The following PDS5A variants were observed in gnomAD, a reference collection of about 807,000 sequenced individuals.
The protein encoded by PDS5A is PDS5 cohesin associated factor A, also known as sister chromatid cohesion protein PDS5 homolog A.
PDS5A carries 42 observed loss-of-function variants against 167.1 expected under a neutral mutation model. The observed-to-expected ratio is 0.25, with a 90% CI of 0.20 to 0.33. The LOEUF (loss-of-function observed/expected upper bound fraction) is 0.33. PDS5A is among the 10% of genes least tolerant of loss of function. The probability of loss-of-function intolerance (pLI) is 1.00; values close to 1 mark genes in which losing one functional copy is unlikely to be tolerated. For synonymous variants in PDS5A, 553 were observed against 554.6 expected (o/e 1.00, Z 0.04); for missense variants, 1,033 against 1,605.9 (o/e 0.64, Z 6.10).
At chr4:39,856,364 A>G (rs961925582) in intron 26 of PDS5A, among the ~76,000 whole-genome samples, 6 of 152,228 alleles carry the variant, frequency 3.9e-5, no homozygotes, top group Non-Finnish European at 7.3e-5. Flanking sequence ...GAGAAATGCT[A>G]AAGTGAGTCC....
intron 2 of PDS5A, among the ~76,000 whole-genome samples, chr4:39,954,655 T>C (rs1247661492): frequency 5.8e-5 from 7 of 121,630 alleles, no homozygotes; most frequent in Non-Finnish European, 9.8e-5. Context: ...TAAGTACCCA[T>C]TGTCAAGAGA....
chr4:39,948,119 G>A (rs1727952170), intron 2 of PDS5A, among the ~76,000 whole-genome samples: 1 of 148,720 alleles, frequency 6.7e-6, no homozygotes, highest in Admixed American at 6.9e-5. Context: ...GGGTATGGTA[G>A]CACGTACCAG....
chr4:39,938,327 G>A (rs1247617384), intron 2 of PDS5A, among the ~76,000 whole-genome samples: 1 of 152,072 alleles, frequency 6.6e-6, no homozygotes, highest in Non-Finnish European at 1.5e-5. Context: ...GGCCGAGGTG[G>A]GTGGATCACC....
rs1560419555 is a variant in PDS5A, at chr4:39,842,907, T to TATATA, written c.3549-852_3549-851insTATAT. On this transcript the variant is annotated intron_variant, in intron 30 of 32. Coordinates refer to ENST00000303538, the MANE Select transcript of PDS5A (RefSeq NM_001100399.2). Reference sequence around the variant, plus strand: ...TTAGAACAATGTAAACTTATCCTATTTTTATATATATATATATATATATAT... The same window carrying TATATA: ...TTAGAACAATGTAAACTTATCCTATTATATATTTATATATATATATATATATATAT... 6.1e-3 allele frequency among the ~76,000 whole-genome samples: 173 copies of TATATA among 28,426 alleles called. 2 individuals carry two copies. The highest frequency in any genetic ancestry group is 0.045 in the East Asian group (56 of 1,240). 18.6% of individuals were successfully genotyped at this position (28,426 alleles called of 152,430 possible).
intron 2 of PDS5A, among the ~76,000 whole-genome samples, chr4:39,941,917 G>C (rs1396342856): frequency 6.6e-6 from 1 of 152,140 alleles, no homozygotes; most frequent in East Asian, 1.9e-4. Context: ...CACAGAGCAA[G>C]ACCCCATCTC....
intron 32 of PDS5A, among the ~76,000 whole-genome samples, chr4:39,826,249 G>A (rs1356433892): frequency 6.6e-6 from 1 of 151,032 alleles, no homozygotes; most frequent in Non-Finnish European, 1.5e-5. Flanking sequence ...TGGAAGCACA[G>A]GAGAGTGGGA....
chr4:39,826,897 T>C (rs1344268111), intron 32 of PDS5A, among the ~76,000 whole-genome samples: 2 of 152,214 alleles, frequency 1.3e-5, no homozygotes, highest in South Asian at 4.1e-4. Flanking sequence ...TACATACATA[T>C]TTTATAAAGG....
chr4:39,965,757 G>A (rs1438202804), intron 2 of PDS5A, among the ~76,000 whole-genome samples: 1 of 152,156 alleles, frequency 6.6e-6, no homozygotes, highest in Non-Finnish European at 1.5e-5. Context: ...ACAAAAAGCA[G>A]AATGGTTGTT....
intron 2 of PDS5A, among the ~76,000 whole-genome samples, chr4:39,960,085 T>A (rs1217110207): frequency 6.6e-6 from 1 of 151,870 alleles, no homozygotes; most frequent in Non-Finnish European, 1.5e-5. Flanking sequence ...AGAGTGAGAC[T>A]TCGTCTCAAA....
chr4:39,888,658 T>TAAATAAAA (rs1721695132), intron 17 of PDS5A, among the ~76,000 whole-genome samples: 1 of 150,020 alleles, frequency 6.7e-6, no homozygotes, highest in African/African-American at 2.5e-5. Flanking sequence ...CAAATGGAGC[T>TAAATAAAA]CATTATGTTA....
chr4:39,825,547 C>A, intron 32 of PDS5A, 59 bp from the exon 33 acceptor site: 11 of 1,233,612 alleles, frequency 8.9e-6, no homozygotes, highest in East Asian at 2.6e-5. Context: ...ATAAACCAAA[C>A]GAAAATGATT....
intron 2 of PDS5A, among the ~76,000 whole-genome samples, chr4:39,930,255 G>GTT (rs1421768439): frequency 2.5e-5 from 2 of 80,510 alleles, no homozygotes; most frequent in East Asian, 4.3e-4. Context: ...AAGTTTTTTT[G>GTT]TTTTTTGTTT....
At chr4:39,877,684 C>G (rs1419978639) in intron 18 of PDS5A, among the ~76,000 whole-genome samples, 1 of 151,562 alleles carries the variant, frequency 6.6e-6, no homozygotes. Context: ...GGCTAGAGTA[C>G]AGTGGAATGT....
chr4:39,882,236 C>T (rs1046529744), intron 17 of PDS5A, among the ~76,000 whole-genome samples: 2 of 152,082 alleles, frequency 1.3e-5, no homozygotes, highest in African/African-American at 2.4e-5. Context: ...GCTTATTTAC[C>T]GTCTTAACTA....
At position 39,906,917 on chromosome 4, in the gene PDS5A, T is replaced by TAAAA. The variant is rs1191690836; in HGVS notation, c.1233+1474_1233+1477dup. ...CAAAAGCCTTTTGAGATTTCTTACA[T>TAAAA]AAAAAAAAAAAAAAAAAAAAAAAAA... On this transcript the variant is annotated intron_variant, in intron 11 of 32. Coordinates refer to ENST00000303538, the MANE Select transcript of PDS5A (RefSeq NM_001100399.2). Among the ~76,000 whole-genome samples, 54 of 54,006 alleles carry TAAAA rather than the reference T, an allele frequency of 1.0e-3. 2 individuals carry two copies. The highest frequency in any genetic ancestry group is 2.2e-3 in the African/African-American group (36 of 16,212). 35.4% of individuals were successfully genotyped at this position (54,006 alleles called of 152,430 possible). A position where few individuals can be genotyped will look rare whatever the true frequency, so the allele number is the denominator to read the frequency against.
At chr4:39,923,638 A>AACACCCACACACAAACAC (rs1725201710) in intron 5 of PDS5A, among the ~76,000 whole-genome samples, 1 of 125,212 alleles carries the variant, frequency 8.0e-6, no homozygotes, top group South Asian at 3.0e-4. Context: ...CCTGTCTCAA[A>AACACCCACACACAAACAC]ACACACACAC....
chr4:39,839,460 T>C (rs13117982), intron 31 of PDS5A, among the ~76,000 whole-genome samples: 1,655 of 152,098 alleles, frequency 0.011, 11 homozygotes, highest in Non-Finnish European at 0.019. Flanking sequence ...ATCCAGCTAC[T>C]CAGGAGGCTG....
chr4:39,887,626 A>G (rs1471129377), intron 17 of PDS5A, among the ~76,000 whole-genome samples: 1 of 152,204 alleles, frequency 6.6e-6, no homozygotes, highest in African/African-American at 2.4e-5. Context: ...TACTAGCAGA[A>G]AATGCTAGGA....
chr4:39,899,665 G>A (rs940352134), intron 14 of PDS5A, among the ~76,000 whole-genome samples: 2 of 151,870 alleles, frequency 1.3e-5, no homozygotes, highest in Non-Finnish European at 2.9e-5. Flanking sequence ...TGGGAAACAT[G>A]GTGAAAACTC....
Sources: allele counts gnomAD v4.1 joint callset (sites outside exome capture counted in the v4.1 genomes callset), GRCh38; gene constraint gnomAD v4.1.1; transcripts MANE v1.5; gene names NCBI Gene and HGNC (gene_info 2026-07-23, HGNC 2026-07-21).